The following AQP10 variants were observed in gnomAD, a reference collection of about 807,000 sequenced individuals.
The protein encoded by AQP10 is aquaporin-10.
AQP10 carries 15 observed loss-of-function variants against 21.0 expected under a neutral mutation model. The observed-to-expected ratio is 0.71, with a 90% CI of 0.48 to 1.10. The LOEUF (loss-of-function observed/expected upper bound fraction) is 1.10, where lower values mean the gene tolerates loss of function less well. Among genes scored for constraint, AQP10 ranks in the 50% least tolerant of loss-of-function variants. The pLI, the probability that AQP10 is intolerant of heterozygous loss-of-function variation, is 0.00. For missense variants in AQP10, 268 were observed against 379.5 expected (o/e 0.71, Z 2.44); for synonymous variants, 143 against 155.7 (o/e 0.92, Z 0.61).
In AQP10 at chr1:154,323,452, G is replaced by T. The variant is rs1413352538; in HGVS notation, c.489+93G>T. The T allele has an allele frequency of 3.3e-6, 5 of 1,496,882 alleles. No individual in the cohort carries two copies. The highest frequency in any genetic ancestry group is 3.5e-5 in the Admixed American group (2 of 57,422). The allele number at this position is 1,496,882 out of a possible 1,614,324, so 92.7% of individuals were successfully genotyped here. A position where few individuals can be genotyped will look rare whatever the true frequency, so the allele number is the denominator to read the frequency against. ...CAGTCTCTGGGTGGAGTGTGGGTTG[G>T]GTCTATCTTGGCACTCCCCACCATC... On this transcript the variant is annotated intron_variant, in intron 4 of 5. Coordinates refer to ENST00000324978, the MANE Select transcript of AQP10 (RefSeq NM_080429.3). The surrounding 1 kb of genome is among the most constrained non-coding windows in gnomAD (Gnocchi z 4.5).
Position 154,321,968 on chromosome 1 carries a change from C to G in AQP10, c.141C>G (p.Thr47=), listed in dbSNP as rs1685651061. The change falls in exon 2 of 6, where the codon ACC becomes ACG. Residue 47 remains threonine, a synonymous_variant. Coordinates refer to ENST00000324978, the MANE Select transcript of AQP10 (RefSeq NM_080429.3). ...LTQGAVAQAV[T]SGETKGNFFT... is the part of the protein sequence containing the mutation. Reference sequence around the variant, plus strand: ...AAGGAGCTGTGGCCCAGGCTGTCACCAGTGGAGAAACCAAAGGCAACTTCT... The same window carrying G: ...AAGGAGCTGTGGCCCAGGCTGTCACGAGTGGAGAAACCAAAGGCAACTTCT... The G allele has an allele frequency of 2.8e-5, 45 of 1,613,292 alleles. No individual in the cohort carries two copies. The East Asian group carries it at 1.0e-3, about 36-fold the overall frequency.
At position 154,323,457 on chromosome 1, in the gene AQP10, A is replaced by T. The variant is rs1685691218; in HGVS notation, c.489+98A>T. On this transcript the variant is annotated intron_variant, in intron 4 of 5. Transcript: ENST00000324978. This position sits in a 1 kb window ranked among gnomAD's most constrained non-coding sequence, Gnocchi z 4.5. ...TCTGGGTGGAGTGTGGGTTGGGTCT[A>T]TCTTGGCACTCCCCACCATCCCCAA... 6.7e-7 allele frequency: 1 copy of T among 1,494,112 alleles called. No homozygotes were observed. Among genetic ancestry groups the T allele is most frequent in the South Asian group, 1.2e-5 (1 of 82,548 alleles). 92.6% of individuals were successfully genotyped at this position (1,494,112 alleles called of 1,614,324 possible).
chr1:154,323,383 G>C lies in AQP10; in HGVS notation c.489+24G>C. The C allele has an allele frequency of 6.2e-7, 1 of 1,603,622 alleles. No homozygotes were observed. The highest frequency in any genetic ancestry group is 8.5e-7 in the Non-Finnish European group (1 of 1,171,366). ...AGGTAAGTGTGAGGGGGAGACCTGG[G>C]GACACTACTTTGGTCCTGTTCCTCG... On this transcript the variant is annotated intron_variant, in intron 4 of 5. Coordinates refer to ENST00000324978, the MANE Select transcript of AQP10 (RefSeq NM_080429.3). The surrounding 1 kb of genome is among the most constrained non-coding windows in gnomAD (Gnocchi z 4.5).
Position 154,323,147 on chromosome 1 carries a change from C to T in AQP10, c.370+28C>T. 6.2e-7 allele frequency: 1 copy of T among 1,614,074 alleles called. No individual in the cohort carries two copies. Among genetic ancestry groups the T allele is most frequent in the Non-Finnish European group, 8.5e-7 (1 of 1,179,970 alleles). ...GACAGAGGGAACAGAGGGAGCTGTG[C>T]CTTGAGAGCACCTGTGGGTGGGCAG... On this transcript the variant is annotated intron_variant, in intron 3 of 5. Coordinates refer to ENST00000324978, the MANE Select transcript of AQP10 (RefSeq NM_080429.3). This position sits in a 1 kb window ranked among gnomAD's most constrained non-coding sequence, Gnocchi z 4.5.
Position 154,324,393 on chromosome 1 carries a change from G to A in AQP10, c.819G>A (p.Glu273=). The A allele has an allele frequency of 1.2e-6, 2 of 1,613,654 alleles. No individual in the cohort carries two copies. Among genetic ancestry groups the A allele is most frequent in the Non-Finnish European group, 1.7e-6 (2 of 1,179,996 alleles). ...LVALHHPEGP[E]PAQDLVSAQH... ...CTCTGCACCACCCTGAGGGCCCAGA[G>A]CCAGCTCAGGATCTGGTGTCTGCTC... The change falls in exon 6 of 6, where the codon GAG becomes GAA. Residue 273 remains glutamate, a synonymous_variant. Transcript: ENST00000324978.
At chr1:154,324,172 C>A in intron 5 of AQP10, 110 bp from the exon 6 acceptor site, 1 of 1,193,598 alleles carries the variant, frequency 8.4e-7, no homozygotes, top group Non-Finnish European at 1.1e-6. Flanking sequence ...CTGGTGTCTA[C>A]CACCCTGGGA....
At position 154,321,128 on chromosome 1, in the gene AQP10, C is replaced by G; in HGVS notation, c.-28C>G. The G allele has an allele frequency of 6.3e-7, 1 of 1,575,012 alleles. No individual in the cohort carries two copies. Among genetic ancestry groups the G allele is most frequent in the Non-Finnish European group, 8.7e-7 (1 of 1,149,058 alleles). On this transcript the variant is annotated 5_prime_UTR_variant, in exon 1 of 6. Coordinates refer to ENST00000324978, the MANE Select transcript of AQP10 (RefSeq NM_080429.3). ...AGTGTGCCTATGCAGACAGAGGGAG[C>G]AGTGAATAGCAATAGGGTGTTTCCA...
chr1:154,324,580 G>A lies in AQP10; in HGVS notation c.*100G>A. The stretch of plus-strand genomic sequence containing the variant: ...CCTCTTTGTTAATGTGCCAGAACCT[G>A]GGAGGCTTCTCTGTTTATCTGTTTG... On this transcript the variant is annotated 3_prime_UTR_variant, in exon 6 of 6. Coordinates refer to ENST00000324978, the MANE Select transcript of AQP10 (RefSeq NM_080429.3). The A allele has an allele frequency of 2.4e-6, 3 of 1,262,468 alleles. No individual in the cohort carries two copies. In the East Asian group the frequency reaches 7.6e-5, roughly 32 times the overall value. 78.2% of individuals were successfully genotyped at this position (1,262,468 alleles called of 1,614,324 possible). A position where few individuals can be genotyped will look rare whatever the true frequency, so the allele number is the denominator to read the frequency against.
intron 1 of AQP10, among the ~76,000 whole-genome samples, chr1:154,321,672 T>G (rs1685643920): frequency 6.6e-6 from 1 of 152,222 alleles, no homozygotes; most frequent in Admixed American, 6.5e-5. Context: ...AGATAAGACT[T>G]TTTAAAGCTG....
rs1463739231 is a variant in AQP10, at chr1:154,323,487, C to T, written c.490-102C>T. 3.3e-6 allele frequency: 5 copies of T among 1,500,364 alleles called. No individual in the cohort carries two copies. Among genetic ancestry groups the T allele is most frequent in the African/African-American group, 1.4e-5 (1 of 72,456 alleles). 92.9% of individuals were successfully genotyped at this position (1,500,364 alleles called of 1,614,324 possible). On this transcript the variant is annotated intron_variant, in intron 4 of 5. Transcript: ENST00000324978. This position sits in a 1 kb window ranked among gnomAD's most constrained non-coding sequence, Gnocchi z 4.5. ...GGCACTCCCCACCATCCCCAACTGC[C>T]TGTGTTGCACAAAGCCAGATGACAT...
At position 154,323,146 on chromosome 1, in the gene AQP10, G is replaced by A. The variant is rs1357940350; in HGVS notation, c.370+27G>A. ...TGACAGAGGGAACAGAGGGAGCTGT[G>A]CCTTGAGAGCACCTGTGGGTGGGCA... On this transcript the variant is annotated intron_variant, in intron 3 of 5. Transcript: ENST00000324978. The surrounding 1 kb of genome is among the most constrained non-coding windows in gnomAD (Gnocchi z 4.5). The A allele has an allele frequency of 1.9e-6, 3 of 1,614,140 alleles. No individual in the cohort carries two copies. The highest frequency in any genetic ancestry group is 2.5e-6 in the Non-Finnish European group (3 of 1,179,988).
In AQP10 at chr1:154,323,274, C is replaced by T; in HGVS notation, c.404C>T (p.Thr135Ile). Residue 135 changes from threonine to isoleucine, a missense_variant, in exon 4 of 6, where the codon ACA (threonine) becomes ATA (isoleucine). This residue lies in a region of AQP10 where 229 missense variants were observed against 295.1 expected (regional missense o/e 0.78). Coordinates refer to ENST00000324978, the MANE Select transcript of AQP10 (RefSeq NM_080429.3). This position sits in a 1 kb window ranked among gnomAD's most constrained non-coding sequence, Gnocchi z 4.5. ...ALQNYTGGNL[T>I]VTGPKETASI... is the part of the protein sequence containing the mutation. ...CAGAACTATACAGGTGGGAACCTGA[C>T]AGTGACTGGCCCCAAGGAGACAGCC... is the stretch of plus-strand genomic sequence containing the variant. 1 of 1,614,206 alleles carries T rather than the reference C, an allele frequency of 6.2e-7. No homozygotes were observed. The highest frequency in any genetic ancestry group is 8.5e-7 in the Non-Finnish European group (1 of 1,180,032).
At position 154,323,405 on chromosome 1, in the gene AQP10, C is replaced by T; in HGVS notation, c.489+46C>T. The T allele has an allele frequency of 6.3e-7, 1 of 1,577,760 alleles. No homozygotes were observed. Among genetic ancestry groups the T allele is most frequent in the East Asian group, 2.2e-5 (1 of 44,642 alleles). The stretch of plus-strand genomic sequence containing the variant: ...TGGGGACACTACTTTGGTCCTGTTC[C>T]TCGGCACCCCAGCCTATTGTTCAGT... On this transcript the variant is annotated intron_variant, in intron 4 of 5. Transcript: ENST00000324978. The surrounding 1 kb of genome is among the most constrained non-coding windows in gnomAD (Gnocchi z 4.5).
intron 2 of AQP10, among the ~76,000 whole-genome samples, 199 bp from the exon 3 acceptor site, chr1:154,322,783 C>CCA (rs1230390521): frequency 6.6e-6 from 1 of 152,140 alleles, no homozygotes; most frequent in Non-Finnish European, 1.5e-5. Context: ...CAGGCGTGAG[C>CCA]CACTGTGCCT....
chr1:154,321,768 C>T (rs879485302), intron 1 of AQP10, among the ~76,000 whole-genome samples, 165 bp from the exon 2 acceptor site: 15 of 152,018 alleles, frequency 9.9e-5, no homozygotes, highest in Admixed American at 7.2e-4. Flanking sequence ...CTTTCTTCTT[C>T]CTCCACTTTC....
rs761850160 is a variant in AQP10, at chr1:154,323,030, G to A, written c.281G>A (p.Arg94His). The A allele has an allele frequency of 1.7e-5, 28 of 1,614,008 alleles. No homozygotes were observed. The highest frequency in any genetic ancestry group is 4.0e-5 in the African/African-American group (3 of 74,888). ...TCCCTGGCCATGTGCATCGTTGGACGCCTCCCCTGGGTCAAGCTCCCCATT... is the reference window on the plus strand; with the variant it reads ...TCCCTGGCCATGTGCATCGTTGGACACCTCCCCTGGGTCAAGCTCCCCATT... The part of the protein sequence containing the change: ...AFSLAMCIVG[R>H]LPWVKLPIYI... Residue 94 changes from arginine to histidine, a missense_variant, in exon 3 of 6, where the codon CGC (arginine) becomes CAC (histidine). This residue lies in a region of AQP10 where 229 missense variants were observed against 295.1 expected (regional missense o/e 0.78). Coordinates refer to ENST00000324978, the MANE Select transcript of AQP10 (RefSeq NM_080429.3). This position sits in a 1 kb window ranked among gnomAD's most constrained non-coding sequence, Gnocchi z 4.5.
rs1249951608 is a variant in AQP10 at position 154,324,291 on chromosome 1, T to C, written c.717T>C (p.Asn239=). The C allele has an allele frequency of 1.9e-6, 3 of 1,548,416 alleles. No homozygotes were observed. The highest frequency in any genetic ancestry group is 2.6e-6 in the Non-Finnish European group (3 of 1,153,180). Residue 239 remains asparagine (N), a synonymous_variant, in exon 6 of 6, where the codon AAT becomes AAC. Transcript: ENST00000324978. ...TGTCCTTCTTTTGCAGTGCTGGTAATGGCTGGTGGTGGGTGCCTGTGGTGG... is the reference window on the plus strand; with the variant it reads ...TGTCCTTCTTTTGCAGTGCTGGTAACGGCTGGTGGTGGGTGCCTGTGGTGG... The part of the protein sequence containing the change: ...GWGPEVFSAG[N]GWWWVPVVAP...
chr1:154,323,846 T>C lies in AQP10; in HGVS notation c.707+40T>C. The C allele has an allele frequency of 6.2e-7, 1 of 1,604,868 alleles. No individual in the cohort carries two copies. Among genetic ancestry groups the C allele is most frequent in the Non-Finnish European group, 8.5e-7 (1 of 1,175,512 alleles). On this transcript the variant is annotated intron_variant, in intron 5 of 5. Coordinates refer to ENST00000324978, the MANE Select transcript of AQP10 (RefSeq NM_080429.3). The surrounding 1 kb of genome is among the most constrained non-coding windows in gnomAD (Gnocchi z 4.5). The stretch of plus-strand genomic sequence containing the variant: ...CTCCTGGTGCTGGCCTCCACTCACC[T>C]TCCTCTGCTAAGGGCTCTGTCCCTG...
chr1:154,322,489 C>CTTCTTCTTCTT (rs376265152), intron 2 of AQP10, among the ~76,000 whole-genome samples: 15,401 of 117,942 alleles, frequency 0.13, 1,108 homozygotes, highest in South Asian at 0.15. Flanking sequence ...GTGTCTTCTT[C>CTTCTTCTTCTT]TTTTTTTTTT....
Sources: allele counts gnomAD v4.1 joint callset (sites outside exome capture counted in the v4.1 genomes callset), GRCh38; gene constraint gnomAD v4.1.1; regional missense constraint gnomAD v4.1.1; non-coding constraint Gnocchi (gnomAD v3.1); transcripts MANE v1.5; gene names NCBI Gene and HGNC (gene_info 2026-07-23, HGNC 2026-07-21).